RBBP9: variants seen among roughly 807,000 people sequenced by gnomAD.
RBBP9 encodes serine hydrolase RBBP9.
In RBBP9, 20 loss-of-function variants were observed where a neutral mutation model predicts 24.2. That is an observed-to-expected ratio of 0.83 (90% CI 0.58 to 1.20). The LOEUF (loss-of-function observed/expected upper bound fraction) is 1.20. Ranked by LOEUF, RBBP9 falls within the 50% of genes most tolerant of loss-of-function variation. RBBP9 has a pLI of 0.00. For synonymous variants in RBBP9, 74 were observed against 84.6 expected (o/e 0.87, Z 0.69); for missense variants, 234 against 233.6 (o/e 1.00, Z -0.01).
chr20:18,490,254 T>C, intron 4 of RBBP9, 141 bp downstream of exon 4: 1 of 698,508 alleles, frequency 1.4e-6, no homozygotes, highest in Non-Finnish European at 2.5e-6. Context: ...CAAACTTATA[T>C]CCAAAGATAG....
chr20:18,496,678 A>T (rs2059887884), intron 1 of RBBP9, among the ~76,000 whole-genome samples: 1 of 152,196 alleles, frequency 6.6e-6, no homozygotes, highest in African/African-American at 2.4e-5. Context: ...GACGCATGTT[A>T]CGTATATCCT....
chr20:18,489,799 T>C lies in RBBP9; in HGVS notation c.526A>G (p.Thr176Ala). The change falls in exon 5 of 5, where the codon ACT (threonine) becomes GCT (alanine). Residue 176 changes from threonine (T) to alanine (A), a missense_variant. By Grantham distance (58) the Thr-to-Ala change is moderately conservative (BLOSUM62 0). Transcript: ENST00000337227. ...FQNTEFHELI[T>A]VVKSLLKVPA Reference sequence around the variant, plus strand: ...ACTTTCAGCAAAGACTTTACAACAGTAATCAGTTCATGAAACTCTGTGTTC... The same window carrying C: ...ACTTTCAGCAAAGACTTTACAACAGCAATCAGTTCATGAAACTCTGTGTTC... 1 of 1,613,586 alleles carries C rather than the reference T, an allele frequency of 6.2e-7. No individual in the cohort carries two copies. Among genetic ancestry groups the C allele is most frequent in the Non-Finnish European group, 8.5e-7 (1 of 1,179,526 alleles).
Position 18,495,833 on chromosome 20 carries a change from C to T in RBBP9, c.142+5G>A, listed in dbSNP as rs755561041. ...AGGCTATTTAAAAACAAGTTTAAAA[C>T]TTACTTGGGTCGGGCATGTTTTTAG... On this transcript the variant is annotated splice_donor_5th_base_variant and intron_variant, in intron 2 of 4. Transcript: ENST00000337227. 6.4e-7 allele frequency: 1 copy of T among 1,558,792 alleles called. No homozygotes were observed. The highest frequency in any genetic ancestry group is 8.8e-7 in the Non-Finnish European group (1 of 1,131,798).
intron 1 of RBBP9, 129 bp downstream of exon 1, chr20:18,496,940 G>A: frequency 1.4e-6 from 1 of 711,890 alleles, no homozygotes; most frequent in South Asian, 1.8e-5. Context: ...GGCAGCGGGG[G>A]AGAGGCAGGA....
At position 18,488,574 on chromosome 20, in the gene RBBP9, GT is replaced by G. The variant is rs2059852369; in HGVS notation, c.*1189del. 6.6e-6 allele frequency: 1 copy of G among 152,196 alleles called. No homozygotes were observed. The highest frequency in any genetic ancestry group is 2.1e-4 in the South Asian group (1 of 4,818). The allele number at this position is 152,196 out of a possible 1,614,324, so 9.4% of individuals were successfully genotyped here. On this transcript the variant is annotated 3_prime_UTR_variant, in exon 5 of 5. Coordinates refer to ENST00000337227, the MANE Select transcript of RBBP9 (RefSeq NM_006606.3). ...AGCCACCACACCCAGCCAAAAAAAG[GT>G]TTTCTGAGGAAGTATGATCAGAAGA...
chr20:18,489,272 GA>G lies in RBBP9; in HGVS notation c.*491del, dbSNP rs1339779599. On this transcript the variant is annotated 3_prime_UTR_variant, in exon 5 of 5. Coordinates refer to ENST00000337227, the MANE Select transcript of RBBP9 (RefSeq NM_006606.3). ...GGACTTAGGGGCAAGTGTCAGAGGT[GA>G]AGGCCCTAGTCTGAGTTTAATGTCT... The G allele has an allele frequency of 6.5e-6, 1 of 152,724 alleles. No individual in the cohort carries two copies. The highest frequency in any genetic ancestry group is 1.5e-5 in the Non-Finnish European group (1 of 68,398). The allele number at this position is 152,724 out of a possible 1,614,324, so 9.5% of individuals were successfully genotyped here. A position where few individuals can be genotyped will look rare whatever the true frequency, so the allele number is the denominator to read the frequency against.
chr20:18,490,787 C>G (rs1241354972), intron 3 of RBBP9, among the ~76,000 whole-genome samples: 1 of 151,830 alleles, frequency 6.6e-6, no homozygotes, highest in Non-Finnish European at 1.5e-5. Flanking sequence ...TCAAACAATT[C>G]TCCTGTTTTA....
intron 3 of RBBP9, among the ~76,000 whole-genome samples, chr20:18,491,596 G>GAGTCT (rs931134834): frequency 6.6e-6 from 1 of 152,048 alleles, no homozygotes; most frequent in African/African-American, 2.4e-5. Context: ...CCAGTAGAGT[G>GAGTCT]AGTCTCCTTT....
At chr20:18,490,290 T>C in intron 4 of RBBP9, 105 bp downstream of exon 4, 1 of 856,294 alleles carries the variant, frequency 1.2e-6, no homozygotes. Flanking sequence ...CATATGCTAT[T>C]AGAATTTTTT....
chr20:18,489,809 A>T lies in RBBP9; in HGVS notation c.516T>A (p.His172Gln), dbSNP rs1010958630. 3.1e-6 allele frequency: 5 copies of T among 1,613,912 alleles called. No individual in the cohort carries two copies. Among genetic ancestry groups the T allele is most frequent in the Non-Finnish European group, 8.5e-7 (1 of 1,179,874 alleles). Residue 172 changes from histidine to glutamine, a missense_variant, in exon 5 of 5, where the codon CAT (histidine) becomes CAA (glutamine). Transcript: ENST00000337227. ...DCGHFQNTEF[H>Q]ELITVVKSLL... is the part of the protein sequence containing the mutation. Reference sequence around the variant, plus strand: ...AAGACTTTACAACAGTAATCAGTTCATGAAACTCTGTGTTCTGAAAGTGGC... The same window carrying T: ...AAGACTTTACAACAGTAATCAGTTCTTGAAACTCTGTGTTCTGAAAGTGGC...
chr20:18,492,096 CAAAAAAAAAAA>C (rs71194242), intron 3 of RBBP9, among the ~76,000 whole-genome samples: 1,446 of 70,124 alleles, frequency 0.021, 49 homozygotes, highest in African/African-American at 0.075. Context: ...GGCTCTGTCT[CAAAAAAAAAAA>C]AAAAAAAAAA....
intron 3 of RBBP9, among the ~76,000 whole-genome samples, chr20:18,493,558 T>C (rs1600213605): frequency 6.6e-6 from 1 of 152,180 alleles, no homozygotes; most frequent in Non-Finnish European, 1.5e-5. Context: ...TAGAAAGCCA[T>C]GCAGTGTCTA....
chr20:18,490,551 T>C, intron 3 of RBBP9, 71 bp from the exon 4 acceptor site: 2 of 1,160,888 alleles, frequency 1.7e-6, no homozygotes, highest in South Asian at 2.6e-5. Flanking sequence ...AATAAACTAC[T>C]TAAAAACTCA....
At position 18,490,459 on chromosome 20, in the gene RBBP9, T is replaced by C. The variant is rs1023480451; in HGVS notation, c.270A>G (p.Val90=). The change falls in exon 4 of 5, where the codon GTA becomes GTG. Residue 90 remains valine (V), a synonymous_variant. Transcript: ENST00000337227. Reference sequence around the variant, plus strand: ...ACGCAGACACTAATACAATAGCATATACTCGATGTGTTTCTGCATACCTGG... The same window carrying C: ...ACGCAGACACTAATACAATAGCATACACTCGATGTGTTTCTGCATACCTGG... ...AAMRYAETHR[V]YAIVLVSAYT... The C allele has an allele frequency of 2.5e-6, 4 of 1,613,234 alleles. No individual in the cohort carries two copies. The highest frequency in any genetic ancestry group is 3.4e-6 in the Non-Finnish European group (4 of 1,179,352).
chr20:18,496,929 A>AG, intron 1 of RBBP9, 140 bp downstream of exon 1: 1 of 674,432 alleles, frequency 1.5e-6, no homozygotes, highest in South Asian at 1.8e-5. Context: ...CTTTAAGAGA[A>AG]GGCAGCGGGG....
At chr20:18,493,895 G>T in intron 3 of RBBP9, 63 bp downstream of exon 3, 1 of 1,257,862 alleles carries the variant, frequency 8.0e-7, no homozygotes, top group Non-Finnish European at 1.1e-6. Flanking sequence ...TATACGCAAG[G>T]TATTTCTCAA....
Position 18,497,171 on chromosome 20 carries a change from T to A in RBBP9, c.-4A>T, listed in dbSNP as rs1396478515. On this transcript the variant is annotated 5_prime_UTR_variant, in exon 1 of 5. Transcript: ENST00000337227. ...CTGCCTTGCTAGGAGAAGCCATGAG[T>A]GCAGCGAGGCCAGAGTTCCCCAGCG... The A allele has an allele frequency of 6.2e-7, 1 of 1,611,886 alleles. No homozygotes were observed. The highest frequency in any genetic ancestry group is 1.7e-5 in the Admixed American group (1 of 59,988).
chr20:18,491,275 T>C (rs1019316943), intron 3 of RBBP9, among the ~76,000 whole-genome samples: 2 of 152,236 alleles, frequency 1.3e-5, no homozygotes, highest in African/African-American at 2.4e-5. Flanking sequence ...ACACTCCACA[T>C]TGCCTTATAT....
chr20:18,495,271 T>C (rs2148874835), intron 2 of RBBP9, among the ~76,000 whole-genome samples: 1 of 146,308 alleles, frequency 6.8e-6, no homozygotes, highest in Non-Finnish European at 1.5e-5. Context: ...TGGGATCCTG[T>C]TGATCTGTGA....
Sources: allele counts gnomAD v4.1 joint callset (sites outside exome capture counted in the v4.1 genomes callset), GRCh38; gene constraint gnomAD v4.1.1; transcripts MANE v1.5; gene names NCBI Gene and HGNC (gene_info 2026-07-23, HGNC 2026-07-21).